Variants in ANKRD36 observed in about 807,000 individuals in gnomAD.
The protein encoded by ANKRD36 is ankyrin repeat domain-containing protein 36A.
ANKRD36 carries 179 observed loss-of-function variants against 278.1 expected under a neutral mutation model. That is an observed-to-expected ratio of 0.64 (90% confidence interval 0.57 to 0.73). ANKRD36 has a LOEUF of 0.73. ANKRD36 is among the 30% of genes least tolerant of loss of function. The pLI, the probability that ANKRD36 is intolerant of heterozygous loss-of-function variation, is 0.00. For synonymous variants in ANKRD36, 320 were observed against 641.1 expected, an observed-to-expected ratio of 0.50 and a Z score of 7.57; for missense variants, 1,159 against 1,956.7, an observed-to-expected ratio of 0.59 and a Z score of 7.69.
intron 51 of ANKRD36, 39 bp downstream of exon 51, chr2:97,206,007 TATG>T (rs2062750266): frequency 6.5e-7 from 1 of 1,546,104 alleles, no homozygotes; most frequent in African/African-American, 1.4e-5. Context: ...CGAGTTAATA[TATG>T]GTCTATGAAA....
At chr2:97,177,479 G>A (rs912772350) in intron 22 of ANKRD36, among the ~76,000 whole-genome samples, 1 of 151,812 alleles carries the variant, frequency 6.6e-6, no homozygotes, top group Non-Finnish European at 1.5e-5. Context: ...CCAAAACAGA[G>A]CTATAGATCA....
chr2:97,150,906 G>T (rs1225920551), intron 12 of ANKRD36, among the ~76,000 whole-genome samples: 1 of 147,624 alleles, frequency 6.8e-6, no homozygotes, highest in African/African-American at 2.5e-5. Context: ...CTCTCTCTCT[G>T]TAGTAAGAAT....
intron 22 of ANKRD36, among the ~76,000 whole-genome samples, chr2:97,175,314 G>A (rs995930347): frequency 6.7e-6 from 1 of 150,024 alleles, no homozygotes; most frequent in Non-Finnish European, 1.5e-5. Flanking sequence ...TCCTGTTATT[G>A]GTCTATTCAG....
chr2:97,156,826 C>A (rs56402677), intron 15 of ANKRD36, among the ~76,000 whole-genome samples: 1 of 137,366 alleles, frequency 7.3e-6, no homozygotes, highest in East Asian at 2.2e-4. Context: ...AACTAGTTTA[C>A]AGTCCCACCA....
At position 97,154,899 on chromosome 2, in the gene ANKRD36, G is replaced by A. The variant is rs1009849212; in HGVS notation, c.1260+158G>A. On this transcript the variant is annotated intron_variant, in intron 15 of 75. Coordinates refer to ENST00000420699, the MANE Select transcript of ANKRD36 (RefSeq NM_001354587.1). ...GATAACCATTTTAAAGAAATAGGGG[G>A]GGTTAATTTTAATTTTTTTTTACTT... Among the ~76,000 whole-genome samples, 14 of 144,282 alleles carry A rather than the reference G, an allele frequency of 9.7e-5. 1 individual carries two copies. Among genetic ancestry groups the A allele is most frequent in the Non-Finnish European group, 2.0e-4 (13 of 63,890 alleles). The allele number at this position is 144,282 out of a possible 152,430, so 94.7% of individuals were successfully genotyped here.
At chr2:97,226,222 C>G (rs1431860988) in intron 67 of ANKRD36, among the ~76,000 whole-genome samples, 3 of 151,742 alleles carry the variant, frequency 2.0e-5, no homozygotes, top group Non-Finnish European at 4.4e-5. Context: ...AATGGTTGAA[C>G]TAGTTTACAG....
chr2:97,241,973 T>C (rs2074474968), intron 69 of ANKRD36, among the ~76,000 whole-genome samples: 1 of 122,554 alleles, frequency 8.2e-6, no homozygotes, highest in Non-Finnish European at 1.6e-5. Context: ...AAAACAGATA[T>C]TTTTCTTTAC....
intron 52 of ANKRD36, among the ~76,000 whole-genome samples, chr2:97,207,176 G>C (rs1308868116): frequency 6.6e-6 from 1 of 151,316 alleles, no homozygotes; most frequent in Non-Finnish European, 1.5e-5. Flanking sequence ...AGAAACTTTC[G>C]GAAGGCTAAA....
Position 97,206,142 on chromosome 2 carries a change from C to A in ANKRD36, c.3163+7C>A, listed in dbSNP as rs779319461. 1 of 1,531,428 alleles carries A rather than the reference C, an allele frequency of 6.5e-7. No homozygotes were observed. Among genetic ancestry groups the A allele is most frequent in the Non-Finnish European group, 8.8e-7 (1 of 1,141,234 alleles). The allele number at this position is 1,531,428 out of a possible 1,614,324, so 94.9% of individuals were successfully genotyped here. On this transcript the variant is annotated splice_region_variant and intron_variant, in intron 52 of 75. Coordinates refer to ENST00000420699, the MANE Select transcript of ANKRD36 (RefSeq NM_001354587.1). ...GGAGAAAAATCTAGGACAGGTAATT[C>A]TGAAAACAGATTTAATGCCATGTTC...
intron 6 of ANKRD36, among the ~76,000 whole-genome samples, chr2:97,134,715 G>C (rs547705051): frequency 3.9e-5 from 6 of 152,112 alleles, no homozygotes; most frequent in African/African-American, 1.4e-4. Flanking sequence ...TAGGTAGTGA[G>C]ACAACTGTTG....
intron 67 of ANKRD36, among the ~76,000 whole-genome samples, chr2:97,229,712 A>G (rs1295606567): frequency 3.7e-4 from 57 of 152,068 alleles, no homozygotes; most frequent in African/African-American, 1.4e-3. Context: ...CTAATTAGTT[A>G]ATGCAGTTTC....
intron 30 of ANKRD36, among the ~76,000 whole-genome samples, chr2:97,186,319 T>G (rs1350562428): frequency 6.6e-6 from 1 of 151,012 alleles, no homozygotes; most frequent in Non-Finnish European, 1.5e-5. Context: ...TAGAGAATAG[T>G]ATGATCCTCC....
At chr2:97,210,629 A>G (rs1041935624) in intron 56 of ANKRD36, among the ~76,000 whole-genome samples, 4 of 151,828 alleles carry the variant, frequency 2.6e-5, no homozygotes, top group East Asian at 2.0e-4. Flanking sequence ...TCAAGGAGCT[A>G]CCTCTTGGAT....
chr2:97,115,118 C>A (rs1327737550), intron 1 of ANKRD36, among the ~76,000 whole-genome samples: 1 of 152,026 alleles, frequency 6.6e-6, no homozygotes, highest in African/African-American at 2.4e-5. Context: ...CAAGTAATGG[C>A]GAAAGCCGCA....
At chr2:97,143,795 GTA>G (rs989588894) in intron 8 of ANKRD36, among the ~76,000 whole-genome samples, 2 of 152,220 alleles carry the variant, frequency 1.3e-5, no homozygotes, top group Non-Finnish European at 2.9e-5. Context: ...TTTTGTATAA[GTA>G]TGCCAAATTT....
At chr2:97,121,193 GT>G (rs1278698155) in intron 3 of ANKRD36, among the ~76,000 whole-genome samples, 1 of 152,024 alleles carries the variant, frequency 6.6e-6, no homozygotes, top group Non-Finnish European at 1.5e-5. Context: ...AGATGGTGGT[GT>G]TTTATAAACT....
At chr2:97,124,700 A>G (rs2038046768) in intron 5 of ANKRD36, 103 bp downstream of exon 5, 2 of 1,361,930 alleles carry the variant, frequency 1.5e-6, no homozygotes, top group African/African-American at 3.0e-5. Context: ...GTTTGGTTCA[A>G]GTAGTTTTCA....
At chr2:97,127,635 A>T (rs2038962341) in intron 6 of ANKRD36, among the ~76,000 whole-genome samples, 1 of 151,990 alleles carries the variant, frequency 6.6e-6, no homozygotes, top group South Asian at 2.1e-4. Context: ...AGTACAAGAA[A>T]GTAAGCTAGA....
At position 97,171,841 on chromosome 2, in the gene ANKRD36, C is replaced by G. The variant is rs2052648634; in HGVS notation, c.1633+4074C>G. 2.0e-5 allele frequency among the ~76,000 whole-genome samples: 3 copies of G among 151,968 alleles called. No homozygotes were observed. In the South Asian group the frequency reaches 6.2e-4, roughly 32 times the overall value. On this transcript the variant is annotated intron_variant, in intron 22 of 75. Coordinates refer to ENST00000420699, the MANE Select transcript of ANKRD36 (RefSeq NM_001354587.1). Reference sequence around the variant, plus strand: ...AGAAGAAAATCTAGGCAATACCATTCAGGACATTGGCATGGGCAAAGACTT... The same window carrying G: ...AGAAGAAAATCTAGGCAATACCATTGAGGACATTGGCATGGGCAAAGACTT...
Sources: allele counts gnomAD v4.1 joint callset (sites outside exome capture counted in the v4.1 genomes callset), GRCh38; gene constraint gnomAD v4.1.1; transcripts MANE v1.5; gene names NCBI Gene and HGNC (gene_info 2026-07-23, HGNC 2026-07-21).